The following GRIN3A variants were observed in gnomAD, a reference collection of about 807,000 sequenced individuals.
The protein encoded by GRIN3A is glutamate ionotropic receptor NMDA type subunit 3A.
GRIN3A carries 47 observed loss-of-function variants against 92.4 expected under a neutral mutation model. The observed-to-expected ratio is 0.51, with a 90% CI of 0.40 to 0.65. The LOEUF is 0.65. Among genes scored for constraint, GRIN3A ranks in the 30% least tolerant of loss-of-function variants. The pLI is 0.00. For missense variants in GRIN3A, 1,324 were observed against 1,393.1 expected (o/e 0.95, Z 0.79); for synonymous variants, 527 against 540.6 (o/e 0.97, Z 0.35).
rs948959634 is a variant in GRIN3A, at chr9:101,573,026, T to G, written c.*148A>C. The stretch of plus-strand genomic sequence containing the variant: ...GCTTGAGAGGAGCTGCTGCTGCACT[T>G]TAGGCGAGGGAGAGCAGACTTGACC... On this transcript the variant is annotated 3_prime_UTR_variant, in exon 9 of 9. Transcript: ENST00000361820. 5 of 693,438 alleles carry G rather than the reference T, an allele frequency of 7.2e-6. No individual in the cohort carries two copies. The highest frequency in any genetic ancestry group is 1.0e-5 in the Non-Finnish European group (4 of 388,202). The allele number at this position is 693,438 out of a possible 1,614,324, so 43.0% of individuals were successfully genotyped here.
intron 3 of GRIN3A, among the ~76,000 whole-genome samples, chr9:101,631,272 G>A (rs543930894): frequency 6.0e-4 from 92 of 152,156 alleles, no homozygotes; most frequent in African/African-American, 2.1e-3. Flanking sequence ...ACTGTTCTTT[G>A]AACTTAGAGG....
At chr9:101,667,272 G>C (rs1293672370) in intron 3 of GRIN3A, among the ~76,000 whole-genome samples, 1 of 151,618 alleles carries the variant, frequency 6.6e-6, no homozygotes, top group Non-Finnish European at 1.5e-5. Context: ...TACTTTATAG[G>C]TAATATAAAG....
intron 3 of GRIN3A, among the ~76,000 whole-genome samples, chr9:101,648,043 C>T (rs1280622764): frequency 6.6e-6 from 1 of 151,484 alleles, no homozygotes; most frequent in Non-Finnish European, 1.5e-5. Context: ...TTTATTCTTG[C>T]TTTTCTAGTT....
At chr9:101,709,615 T>G (rs556582220) in intron 1 of GRIN3A, among the ~76,000 whole-genome samples, 4 of 152,314 alleles carry the variant, frequency 2.6e-5, no homozygotes, top group Non-Finnish European at 2.9e-5. Context: ...CTCGGTAAAA[T>G]AAATTACCCA....
At chr9:101,578,287 A>G (rs62575848) in intron 7 of GRIN3A, among the ~76,000 whole-genome samples, 12,873 of 152,216 alleles carry the variant, frequency 0.085, 633 homozygotes, top group Middle Eastern at 0.13. Flanking sequence ...TAGAAGACCA[A>G]ATACTTCCCA....
At chr9:101,715,923 A>G (rs1019286971) in intron 1 of GRIN3A, among the ~76,000 whole-genome samples, 2 of 152,212 alleles carry the variant, frequency 1.3e-5, no homozygotes, top group African/African-American at 4.8e-5. Flanking sequence ...CATCACCATT[A>G]CATTGTTTTT....
At chr9:101,606,523 T>A (rs1828283322) in intron 6 of GRIN3A, among the ~76,000 whole-genome samples, 1 of 152,132 alleles carries the variant, frequency 6.6e-6, no homozygotes. Context: ...AACCTAGATG[T>A]GGTAATGGCT....
chr9:101,576,016 A>G (rs189624451), intron 8 of GRIN3A, among the ~76,000 whole-genome samples: 4 of 152,332 alleles, frequency 2.6e-5, no homozygotes, highest in African/African-American at 4.8e-5. Context: ...GGCATCTGAT[A>G]TTTGATGTGG....
chr9:101,580,355 C>A (rs1827873146), intron 6 of GRIN3A, among the ~76,000 whole-genome samples: 1 of 152,174 alleles, frequency 6.6e-6, no homozygotes, highest in African/African-American at 2.4e-5. Flanking sequence ...TATGTTAATC[C>A]ACTGTGCAAA....
intron 1 of GRIN3A, among the ~76,000 whole-genome samples, chr9:101,722,322 C>T (rs1830023105): frequency 6.6e-6 from 1 of 152,196 alleles, no homozygotes; most frequent in South Asian, 2.1e-4. Context: ...GATGCCCAGG[C>T]AAAAGTTTGT....
At chr9:101,577,707 A>G in intron 8 of GRIN3A, 61 bp downstream of exon 8, 1 of 1,156,276 alleles carries the variant, frequency 8.6e-7, no homozygotes, top group East Asian at 2.3e-5. Flanking sequence ...ATAATTATAC[A>G]GTTAGATCTC....
intron 1 of GRIN3A, among the ~76,000 whole-genome samples, chr9:101,734,020 A>C (rs79772938): frequency 1.3e-5 from 2 of 152,188 alleles, no homozygotes. Flanking sequence ...TTTGAATTGC[A>C]TGGATTTGGA....
intron 6 of GRIN3A, among the ~76,000 whole-genome samples, chr9:101,599,002 T>C (rs1490824187): frequency 3.3e-5 from 5 of 152,166 alleles, no homozygotes; most frequent in Admixed American, 6.5e-5. Context: ...TATTTCCCTA[T>C]GTGAGTGTGT....
Position 101,670,166 on chromosome 9 carries a change from CA to C in GRIN3A, c.2245del (p.Trp749GlyfsTer21). 2 of 1,613,684 alleles carry C rather than the reference CA, an allele frequency of 1.2e-6. No individual in the cohort carries two copies. Among genetic ancestry groups the C allele is most frequent in the Non-Finnish European group, 1.7e-6 (2 of 1,179,748 alleles). On this transcript the variant is annotated frameshift_variant, in exon 3 of 9. Coordinates refer to ENST00000361820, the MANE Select transcript of GRIN3A (RefSeq NM_133445.3). LOFTEE classifies it high-confidence loss of function. ...CWTGRFLMNL[W>X]AIFCMFCLST... is the part of the protein sequence containing the mutation. ...AAGGCAAAACATACAGAAAATGGCC[CA>C]AAGGTTCATTAGAAACCTTCCAGTC...
intron 1 of GRIN3A, among the ~76,000 whole-genome samples, chr9:101,694,706 A>G (rs976624696): frequency 8.5e-5 from 13 of 152,170 alleles, no homozygotes; most frequent in African/African-American, 2.9e-4. Context: ...TGCCACCAAC[A>G]TACTTGGGAA....
At chr9:101,729,185 A>G (rs1259082125) in intron 1 of GRIN3A, among the ~76,000 whole-genome samples, 1 of 152,116 alleles carries the variant, frequency 6.6e-6, no homozygotes, top group Non-Finnish European at 1.5e-5. Context: ...ATCCCTTTCT[A>G]TCTTTTTGTC....
chr9:101,579,427 C>G, intron 6 of GRIN3A, 67 bp from the exon 7 acceptor site: 3 of 1,520,078 alleles, frequency 2.0e-6, no homozygotes, highest in Non-Finnish European at 2.7e-6. Flanking sequence ...CTTGTGTACT[C>G]TTTGGTTTTC....
chr9:101,724,665 T>C (rs936721056), intron 1 of GRIN3A, among the ~76,000 whole-genome samples: 1 of 152,208 alleles, frequency 6.6e-6, no homozygotes, highest in Non-Finnish European at 1.5e-5. Flanking sequence ...GCCAGCACGC[T>C]GTCACCTCTC....
In GRIN3A at chr9:101,573,299, C is replaced by A; in HGVS notation, c.3223G>T (p.Val1075Leu). ...ADSLNVSRNS[V>L]MQELSELEKQ... ...TCGAGCTCTGAGAGTTCCTGCATCACTGAGTTCCGAGATACATTTAGGGAG... is the reference window on the plus strand; with the variant it reads ...TCGAGCTCTGAGAGTTCCTGCATCAATGAGTTCCGAGATACATTTAGGGAG... Residue 1075 changes from valine (V) to leucine (L), a missense_variant, in exon 9 of 9, where the codon GTG (valine) becomes TTG (leucine). Physicochemically the swap from Val to Leu is conservative, Grantham distance 32. Coordinates refer to ENST00000361820, the MANE Select transcript of GRIN3A (RefSeq NM_133445.3). The A allele has an allele frequency of 6.2e-7, 1 of 1,614,078 alleles. No homozygotes were observed. Among genetic ancestry groups the A allele is most frequent in the Non-Finnish European group, 8.5e-7 (1 of 1,179,988 alleles).
Sources: allele counts gnomAD v4.1 joint callset (sites outside exome capture counted in the v4.1 genomes callset), GRCh38; gene constraint gnomAD v4.1.1; transcripts MANE v1.5; gene names NCBI Gene and HGNC (gene_info 2026-07-23, HGNC 2026-07-21).